The following ZNF248 variants were observed in gnomAD, a reference collection of about 807,000 sequenced individuals.
ZNF248 encodes KRAB protein domain.
Under a neutral mutation model 44.3 loss-of-function variants are expected in ZNF248, and 20 were observed. The ratio of observed to expected loss-of-function variants is 0.45; its 90% CI spans 0.32 to 0.66. The LOEUF is 0.66. ZNF248 is among the 30% of genes least tolerant of loss of function. ZNF248 has a pLI of 0.04. For synonymous variants in ZNF248, 224 were observed against 229.0 expected (o/e 0.98, Z 0.20); for missense variants, 654 against 677.0 (o/e 0.97, Z 0.38).
At chr10:37,793,908 T>G (rs2048844113) in intron 6 of ZNF248, among the ~76,000 whole-genome samples, 1 of 152,202 alleles carries the variant, frequency 6.6e-6, no homozygotes. Context: ...TTAAGATCCC[T>G]AAAAATGGAT....
At position 37,832,971 on chromosome 10, in the gene ZNF248, G is replaced by T. The variant is rs766221129; in HGVS notation, c.384C>A (p.Asp128Glu). The T allele has an allele frequency of 6.2e-7, 1 of 1,613,660 alleles. No homozygotes were observed. Residue 128 changes from aspartate (D) to glutamate (E), a missense_variant, in exon 6 of 6, where the codon GAC (aspartate) becomes GAA (glutamate). Asp to Glu is a conservative substitution (Grantham distance 45, BLOSUM62 2). Coordinates refer to ENST00000395867, the MANE Select transcript of ZNF248 (RefSeq NM_021045.3). Reference sequence around the variant, plus strand: ...AGGGATAATTTCTTAAAGAAACAGGGTCTGTGCCCAAATTGAAAGTTTTGC... The same window carrying T: ...AGGGATAATTTCTTAAAGAAACAGGTTCTGTGCCCAAATTGAAAGTTTTGC... ...RGSKTFNLGT[D>E]PVSLRNYPYK...
chr10:37,815,262 A>C (rs1173474461), intron 6 of ZNF248, among the ~76,000 whole-genome samples: 1 of 151,314 alleles, frequency 6.6e-6, no homozygotes, highest in Non-Finnish European at 1.5e-5. Context: ...AGACAGTTTC[A>C]CCATGTTGGC....
chr10:37,830,040 G>C lies in ZNF248; in HGVS notation c.*1575C>G. On this transcript the variant is annotated 3_prime_UTR_variant, in exon 6 of 6. Transcript: ENST00000395867. ...TTCCAAGGGGGCAAAAGAAACAACA[G>C]GACAAGGGAGGCAGAGATACTCTAA... 1.0e-6 allele frequency: 1 copy of C among 985,370 alleles called. No homozygotes were observed. The highest frequency in any genetic ancestry group is 1.2e-6 in the Non-Finnish European group (1 of 829,934). 61.0% of individuals were successfully genotyped at this position (985,370 alleles called of 1,614,324 possible). A position where few individuals can be genotyped will look rare whatever the true frequency, so the allele number is the denominator to read the frequency against.
At chr10:37,774,567 G>A (rs916714710), downstream of ZNF248, among the ~76,000 whole-genome samples, 7 of 152,084 alleles carry the variant, frequency 4.6e-5, no homozygotes, top group Admixed American at 2.0e-4. Context: ...TGAAGCAGAC[G>A]GAAGAAATCT....
chr10:37,770,164 G>C, the ZNF248 span, among the ~76,000 whole-genome samples: 9,082 of 152,232 alleles, frequency 0.06, 342 homozygotes, highest in Middle Eastern at 0.095. Context: ...CTCATGGGTA[G>C]GAAGAATCAA....
downstream of ZNF248, among the ~76,000 whole-genome samples, chr10:37,824,088 G>C (rs1159249831): frequency 4.6e-5 from 7 of 152,106 alleles, no homozygotes; most frequent in Admixed American, 4.6e-4. Flanking sequence ...CCCAAGATCT[G>C]CAGGTTGAGT....
At chr10:37,814,983 C>T (rs949259489) in intron 6 of ZNF248, among the ~76,000 whole-genome samples, 6 of 152,142 alleles carry the variant, frequency 3.9e-5, no homozygotes, top group Non-Finnish European at 8.8e-5. Context: ...TATCTCTATG[C>T]TTTCTCTATC....
intron 6 of ZNF248, chr10:37,820,872 T>C (rs932839051): frequency 7.9e-7 from 1 of 1,264,878 alleles, no homozygotes; most frequent in Non-Finnish European, 1.2e-6. Context: ...TCTTCTTGCA[T>C]ATTTATTGTT....
chr10:37,801,883 G>A (rs574586448), intron 6 of ZNF248, among the ~76,000 whole-genome samples: 104 of 152,314 alleles, frequency 6.8e-4, no homozygotes, highest in Middle Eastern at 3.4e-3. Flanking sequence ...ATCTCTGGAT[G>A]AAGCAAGACC....
intron 6 of ZNF248, chr10:37,819,185 T>C (rs1446207700): frequency 1.3e-6 from 1 of 793,938 alleles, no homozygotes; most frequent in East Asian, 2.4e-5. Context: ...ATTTAAGTAC[T>C]TTAAAGCATT....
chr10:37,828,295 T>TA (rs11392605), downstream of ZNF248, among the ~76,000 whole-genome samples: 34,356 of 152,166 alleles, frequency 0.23, 4,041 homozygotes, highest in East Asian at 0.4. Flanking sequence ...CCATCCTATC[T>TA]AAAATCAAAC....
chr10:37,833,898 A>T (rs1007287271), intron 5 of ZNF248, among the ~76,000 whole-genome samples: 11 of 152,144 alleles, frequency 7.2e-5, no homozygotes, highest in African/African-American at 2.2e-4. Flanking sequence ...AAAAGGAAAT[A>T]GAGTGAGTGG....
intron 6 of ZNF248, chr10:37,783,809 C>T (rs1264264444): frequency 6.6e-6 from 1 of 152,170 alleles, no homozygotes; most frequent in African/African-American, 2.4e-5. Context: ...CTTAATATTC[C>T]TCCCAAAGAG....
the ZNF248 span, among the ~76,000 whole-genome samples, chr10:37,768,100 A>C: frequency 6.6e-6 from 1 of 152,234 alleles, no homozygotes; most frequent in Non-Finnish European, 1.5e-5. Context: ...TATGCACCCA[A>C]TACAGGAGCA....
Position 37,794,865 on chromosome 10 carries a change from A to C in ZNF248, c.331-18290T>G, listed in dbSNP as rs116849255. 234 of 155,264 alleles carry C rather than the reference A, an allele frequency of 1.5e-3. 5 individuals carry two copies. In the East Asian group the frequency reaches 0.037, roughly 24 times the overall value. The allele number at this position is 155,264 out of a possible 1,614,324, so 9.6% of individuals were successfully genotyped here. On this transcript the variant is annotated intron_variant, in intron 6 of 6. Transcript: ENST00000615949. ...TGTGTATTCTCTGATGTCTAGTGAGATGTACCTTACTATAAAAGGCTTTGC... is the reference window on the plus strand; with the variant it reads ...TGTGTATTCTCTGATGTCTAGTGAGCTGTACCTTACTATAAAAGGCTTTGC...
At chr10:37,851,488 T>C (rs1025499618) in intron 3 of ZNF248, among the ~76,000 whole-genome samples, 2 of 152,112 alleles carry the variant, frequency 1.3e-5, no homozygotes, top group East Asian at 1.9e-4. Flanking sequence ...GAAGATGCCA[T>C]ATAAGCTGGA....
At chr10:37,821,077 T>A in intron 6 of ZNF248, 2 of 740,508 alleles carry the variant, frequency 2.7e-6, no homozygotes, top group Non-Finnish European at 4.5e-6. Context: ...CACTGAGAAG[T>A]AGGTCTACAG....
chr10:37,851,028 T>C (rs1182017483), intron 3 of ZNF248, among the ~76,000 whole-genome samples: 1 of 152,036 alleles, frequency 6.6e-6, no homozygotes, highest in Non-Finnish European at 1.5e-5. Context: ...GAGAAAATAT[T>C]TGCAAACCAC....
At chr10:37,814,427 C>T (rs1439471863) in intron 6 of ZNF248, among the ~76,000 whole-genome samples, 1 of 152,194 alleles carries the variant, frequency 6.6e-6, no homozygotes, top group Non-Finnish European at 1.5e-5. Flanking sequence ...ACCAAAGTTA[C>T]AGTAATACAT....
Sources: gnomAD v4.1 joint callset for allele counts (sites outside exome capture counted in the v4.1 genomes callset) on GRCh38, gnomAD v4.1.1 for gene constraint, MANE v1.5 for transcripts, NCBI Gene and HGNC (gene_info 2026-07-23, HGNC 2026-07-21) for gene names.